Variants in AGPS observed in about 807,000 individuals in gnomAD.
AGPS encodes the protein alkyldihydroxyacetonephosphate synthase, peroxisomal.
Under a neutral mutation model 90.7 loss-of-function variants are expected in AGPS, and 26 were observed. The ratio of observed to expected loss-of-function variants is 0.29; its 90% CI spans 0.21 to 0.40. The LOEUF is 0.40. Ranked by LOEUF, AGPS falls within the 10% of genes least tolerant of loss-of-function variation. The probability of loss-of-function intolerance (pLI) is 1.00; values close to 1 mark genes in which losing one functional copy is unlikely to be tolerated. For synonymous variants in AGPS, 294 were observed against 285.3 expected (o/e 1.03, Z -0.31); for missense variants, 540 against 816.1 (o/e 0.66, Z 4.12).
intron 19 of AGPS, among the ~76,000 whole-genome samples, chr2:177,525,978 T>C (rs2079083179): frequency 6.6e-6 from 1 of 152,162 alleles, no homozygotes; most frequent in Non-Finnish European, 1.5e-5. Context: ...CTTGAAATAA[T>C]ATATTCATAA....
chr2:177,418,832 G>C (rs1038611547), intron 1 of AGPS, among the ~76,000 whole-genome samples: 5 of 151,602 alleles, frequency 3.3e-5, no homozygotes, highest in African/African-American at 1.2e-4. Flanking sequence ...GAAAATGTGT[G>C]TGTCACTGGT....
chr2:177,489,402 A>G (rs1310379283), intron 11 of AGPS, among the ~76,000 whole-genome samples: 3 of 151,994 alleles, frequency 2.0e-5, no homozygotes, highest in East Asian at 1.9e-4. Context: ...ATTTTTAAAT[A>G]AAATGATAGG....
intron 19 of AGPS, among the ~76,000 whole-genome samples, chr2:177,534,700 G>T (rs749737550): frequency 1.3e-5 from 2 of 151,144 alleles, no homozygotes; most frequent in Non-Finnish European, 2.9e-5. Flanking sequence ...TTCTCCTTCC[G>T]CCCAATCTCC....
chr2:177,514,067 CTGGAATTTTACAG>C (rs1559080101), intron 17 of AGPS, among the ~76,000 whole-genome samples, 159 bp downstream of exon 17: 1 of 152,068 alleles, frequency 6.6e-6, no homozygotes, highest in Non-Finnish European at 1.5e-5. Flanking sequence ...GATTGTGCCA[CTGGAATTTTACAG>C]TAGTCCTGAG....
rs536759002 is a variant in AGPS, at chr2:177,517,300, T to C, written c.1697+3392T>C. The stretch of plus-strand genomic sequence containing the variant: ...TATATACACATTCAACATGTATAAA[T>C]ATTGAGTCATAGTATTTTAAGGCTA... On this transcript the variant is annotated intron_variant, in intron 17 of 19. Transcript: ENST00000264167. Among the ~76,000 whole-genome samples, 7 of 152,264 alleles carry C rather than the reference T, an allele frequency of 4.6e-5. No individual in the cohort carries two copies. In the East Asian group the frequency reaches 1.2e-3, roughly 25 times the overall value.
intron 18 of AGPS, among the ~76,000 whole-genome samples, chr2:177,522,495 G>C (rs1241058100): frequency 6.6e-6 from 1 of 152,164 alleles, no homozygotes; most frequent in Non-Finnish European, 1.5e-5. Context: ...TGTTGCCCAG[G>C]CTGGAGTGCA....
intron 19 of AGPS, among the ~76,000 whole-genome samples, chr2:177,529,529 TG>T (rs1331580154): frequency 1.3e-5 from 2 of 152,198 alleles, no homozygotes; most frequent in African/African-American, 4.8e-5. Flanking sequence ...GCTTAACATT[TG>T]GTAACTAGGC....
At chr2:177,396,459 A>T (rs1685176989) in intron 1 of AGPS, among the ~76,000 whole-genome samples, 1 of 152,208 alleles carries the variant, frequency 6.6e-6, no homozygotes, top group Non-Finnish European at 1.5e-5. Context: ...ATAAAGAAAA[A>T]TGAAGCAGCT....
intron 14 of AGPS, among the ~76,000 whole-genome samples, chr2:177,501,989 G>A (rs1165910007): frequency 6.6e-6 from 1 of 152,286 alleles, no homozygotes; most frequent in East Asian, 1.9e-4. Context: ...TGACATGAAT[G>A]TCAGTAATGC....
chr2:177,523,923 A>C, intron 19 of AGPS, 118 bp downstream of exon 19: 1 of 882,604 alleles, frequency 1.1e-6, no homozygotes, highest in Non-Finnish European at 1.8e-6. Flanking sequence ...GTTTCTTTAA[A>C]GTTTCTATGT....
intron 12 of AGPS, among the ~76,000 whole-genome samples, chr2:177,496,138 G>A (rs1408539946): frequency 1.3e-5 from 2 of 152,038 alleles, no homozygotes; most frequent in African/African-American, 4.8e-5. Flanking sequence ...AATTCTACTA[G>A]CATTAATGGA....
intron 9 of AGPS, among the ~76,000 whole-genome samples, chr2:177,467,653 A>C (rs962347657): frequency 2.0e-5 from 3 of 152,164 alleles, no homozygotes; most frequent in African/African-American, 7.2e-5. Context: ...CCTCATTGGC[A>C]ATTTTTATTT....
At chr2:177,446,606 A>C (rs948715154) in intron 8 of AGPS, among the ~76,000 whole-genome samples, 8 of 152,196 alleles carry the variant, frequency 5.3e-5, no homozygotes, top group Non-Finnish European at 1.0e-4. Context: ...AAAGGGCCTT[A>C]TAAAGCCCCT....
intron 8 of AGPS, among the ~76,000 whole-genome samples, chr2:177,447,598 T>A (rs1317137344): frequency 6.7e-6 from 1 of 148,568 alleles, no homozygotes; most frequent in Non-Finnish European, 1.5e-5. Context: ...CCTTTCCAAG[T>A]TTTCTTTTTT....
chr2:177,471,603 C>T (rs1687627121), intron 10 of AGPS, among the ~76,000 whole-genome samples: 1 of 151,984 alleles, frequency 6.6e-6, no homozygotes, highest in South Asian at 2.1e-4. Context: ...CATGACTCAC[C>T]CTTCTTTTAG....
In AGPS at chr2:177,541,966, A is replaced by AT. The variant is rs2079240440; in HGVS notation, c.*3774dup. The AT allele has an allele frequency of 6.6e-6, 1 of 152,160 alleles. No individual in the cohort carries two copies. The allele number at this position is 152,160 out of a possible 1,614,324, so 9.4% of individuals were successfully genotyped here. On this transcript the variant is annotated 3_prime_UTR_variant, in exon 20 of 20. Coordinates refer to ENST00000264167, the MANE Select transcript of AGPS (RefSeq NM_003659.4). ...AAACAGTGTTTGTCTTCAGTGTGAA[A>AT]TTTAACTGTAAAAACTACTTGTAAT...
At position 177,540,642 on chromosome 2, in the gene AGPS, T is replaced by C. The variant is rs1477287565; in HGVS notation, c.*2447T>C. On this transcript the variant is annotated 3_prime_UTR_variant, in exon 20 of 20. Coordinates refer to ENST00000264167, the MANE Select transcript of AGPS (RefSeq NM_003659.4). The stretch of plus-strand genomic sequence containing the variant: ...TTAAGTCAGGAGAACACTGTTTACA[T>C]GACACTTCTTAACTCATTTTTAATG... 6.6e-6 allele frequency: 1 copy of C among 152,092 alleles called. No homozygotes were observed. Among genetic ancestry groups the C allele is most frequent in the Non-Finnish European group, 1.5e-5 (1 of 67,946 alleles). The allele number at this position is 152,092 out of a possible 1,614,324, so 9.4% of individuals were successfully genotyped here.
At chr2:177,448,236 A>G (rs1686834002) in intron 8 of AGPS, among the ~76,000 whole-genome samples, 1 of 152,184 alleles carries the variant, frequency 6.6e-6, no homozygotes. Context: ...TTCTTTACCT[A>G]TAAAGTGGGT....
At chr2:177,488,979 C>T (rs1001070063) in intron 11 of AGPS, among the ~76,000 whole-genome samples, 6 of 151,976 alleles carry the variant, frequency 3.9e-5, no homozygotes, top group African/African-American at 1.5e-4. Context: ...TAAGAGGTGC[C>T]TTCTCAAATA....
Sources: allele counts gnomAD v4.1 joint callset (sites outside exome capture counted in the v4.1 genomes callset), GRCh38; gene constraint gnomAD v4.1.1; transcripts MANE v1.5; gene names NCBI Gene and HGNC (gene_info 2026-07-23, HGNC 2026-07-21).